PTPRT: variants seen among roughly 807,000 people sequenced by gnomAD.
The protein encoded by PTPRT is receptor-type tyrosine-protein phosphatase T.
Under a neutral mutation model 176.8 loss-of-function variants are expected in PTPRT, and 56 were observed. That is an observed-to-expected ratio of 0.32 (90% CI 0.26 to 0.40). The LOEUF (loss-of-function observed/expected upper bound fraction) is 0.40. Ranked by LOEUF, PTPRT falls within the 10% of genes least tolerant of loss-of-function variation. PTPRT has a pLI of 1.00. For missense variants in PTPRT, 1,540 were observed against 1,908.2 expected (o/e 0.81, Z 3.60); for synonymous variants, 783 against 739.0 (o/e 1.06, Z -0.96).
chr20:42,131,616 A>C (rs192081118), intron 18 of PTPRT, among the ~76,000 whole-genome samples: 55 of 152,338 alleles, frequency 3.6e-4, no homozygotes, highest in Non-Finnish European at 6.3e-4. Context: ...GTGTTTGACA[A>C]CGTCTCTCCT....
intron 9 of PTPRT, among the ~76,000 whole-genome samples, chr20:42,430,851 G>A (rs932040584): frequency 2.0e-5 from 3 of 152,126 alleles, no homozygotes; most frequent in African/African-American, 7.2e-5. Context: ...ATAAATCTCT[G>A]GTGGGCTGCC....
chr20:42,373,412 A>T (rs1302219037), intron 9 of PTPRT, among the ~76,000 whole-genome samples: 1 of 152,112 alleles, frequency 6.6e-6, no homozygotes, highest in Non-Finnish European at 1.5e-5. Context: ...AAATATTTAG[A>T]TTTTTTATTT....
chr20:42,575,933 A>G (rs1400411258), intron 7 of PTPRT, among the ~76,000 whole-genome samples: 1 of 152,102 alleles, frequency 6.6e-6, no homozygotes, highest in Non-Finnish European at 1.5e-5. Flanking sequence ...CCCAGCAGCC[A>G]GAGTGAGCAT....
At chr20:42,204,956 G>A (rs936933996) in intron 15 of PTPRT, among the ~76,000 whole-genome samples, 2 of 150,488 alleles carry the variant, frequency 1.3e-5, no homozygotes, top group Admixed American at 1.3e-4. Context: ...AGGTTGGCTT[G>A]ATACAACGAA....
intron 11 of PTPRT, among the ~76,000 whole-genome samples, chr20:42,323,616 TA>T (rs1403148886): frequency 6.7e-6 from 1 of 150,070 alleles, no homozygotes; most frequent in Admixed American, 6.6e-5. Context: ...TGTTGTGGGG[TA>T]GGGGGAGAGG....
At chr20:43,093,831 C>A (rs1351612290) in intron 1 of PTPRT, among the ~76,000 whole-genome samples, 1 of 152,168 alleles carries the variant, frequency 6.6e-6, no homozygotes, top group Non-Finnish European at 1.5e-5. Context: ...CTGAACACAC[C>A]AAGCTACTCT....
chr20:43,188,156 G>C (rs1274408068), intron 1 of PTPRT, among the ~76,000 whole-genome samples: 1 of 152,000 alleles, frequency 6.6e-6, no homozygotes, highest in Non-Finnish European at 1.5e-5. Flanking sequence ...GGACTGCCCC[G>C]GGCATCCTCC....
intron 9 of PTPRT, among the ~76,000 whole-genome samples, chr20:42,431,232 C>G (rs1364433643): frequency 6.6e-6 from 1 of 152,072 alleles, no homozygotes; most frequent in African/African-American, 2.4e-5. Context: ...GGTTAATTTG[C>G]CCAAAAGTCA....
intron 11 of PTPRT, among the ~76,000 whole-genome samples, chr20:42,340,262 A>T (rs1422563812): frequency 6.6e-6 from 1 of 152,196 alleles, no homozygotes; most frequent in African/African-American, 2.4e-5. Flanking sequence ...TCTAAAGTCT[A>T]GCCCTCGATT....
chr20:42,115,363 T>C, intron 21 of PTPRT, 48 bp from the exon 22 acceptor site: 1 of 1,392,230 alleles, frequency 7.2e-7, no homozygotes, highest in Non-Finnish European at 1.0e-6. Flanking sequence ...GAGACAAGGA[T>C]GCATAAGCAC....
chr20:43,126,229 TA>T (rs2013433275), intron 1 of PTPRT, among the ~76,000 whole-genome samples: 1 of 152,192 alleles, frequency 6.6e-6, no homozygotes, highest in Non-Finnish European at 1.5e-5. Context: ...TGGGTGCCTG[TA>T]ATCCCAGCTA....
chr20:42,776,090 G>A (rs2077131073), intron 4 of PTPRT, among the ~76,000 whole-genome samples: 2 of 152,130 alleles, frequency 1.3e-5, no homozygotes, highest in Non-Finnish European at 2.9e-5. Context: ...TCACCACCTT[G>A]CTTAAGCTAC....
intron 7 of PTPRT, among the ~76,000 whole-genome samples, chr20:42,531,228 T>C (rs984446331): frequency 1.3e-5 from 2 of 152,206 alleles, no homozygotes; most frequent in Admixed American, 6.5e-5. Context: ...TTGCAATGAG[T>C]TACTATTTTG....
At chr20:42,429,867 A>G (rs557830000) in intron 9 of PTPRT, among the ~76,000 whole-genome samples, 1 of 152,326 alleles carries the variant, frequency 6.6e-6, no homozygotes, top group South Asian at 2.1e-4. Flanking sequence ...GAGGGAAAAG[A>G]TAGCAAGGGG....
At chr20:42,474,411 C>A (rs1348555360) in intron 7 of PTPRT, among the ~76,000 whole-genome samples, 1 of 152,232 alleles carries the variant, frequency 6.6e-6, no homozygotes, top group Non-Finnish European at 1.5e-5. Flanking sequence ...ACCTGGCAAG[C>A]CCGCACAGAG....
intron 7 of PTPRT, among the ~76,000 whole-genome samples, chr20:42,653,331 C>T (rs956351494): frequency 2.8e-4 from 43 of 152,186 alleles, no homozygotes; most frequent in Non-Finnish European, 5.9e-5. Flanking sequence ...AACCTCTTTT[C>T]TTTATAAATT....
intron 2 of PTPRT, among the ~76,000 whole-genome samples, chr20:42,841,172 C>G (rs1420372685): frequency 6.6e-6 from 1 of 152,176 alleles, no homozygotes; most frequent in East Asian, 1.9e-4. Context: ...TACTTGCCTC[C>G]TCTTAGGTAG....
At position 42,376,812 on chromosome 20, in the gene PTPRT, G is replaced by A. The variant is rs574774328; in HGVS notation, c.1561-24527C>T. Among the ~76,000 whole-genome samples, 7 of 152,266 alleles carry A rather than the reference G, an allele frequency of 4.6e-5. No individual in the cohort carries two copies. In the South Asian group the frequency reaches 1.5e-3, roughly 32 times the overall value. Reference sequence around the variant, plus strand: ...AAATGGTGACAAATTCTGGGTGATCGAGTCTATAGTGGGGGAGATGAGCAA... The same window carrying A: ...AAATGGTGACAAATTCTGGGTGATCAAGTCTATAGTGGGGGAGATGAGCAA... On this transcript the variant is annotated intron_variant, in intron 9 of 30. Coordinates refer to ENST00000373187, the MANE Select transcript of PTPRT (RefSeq NM_007050.6).
intron 12 of PTPRT, among the ~76,000 whole-genome samples, chr20:42,296,451 A>C (rs1034266806): frequency 1.3e-5 from 2 of 152,050 alleles, no homozygotes; most frequent in Admixed American, 6.6e-5. Context: ...GTCTCAAAAA[A>C]AAAAAAAAAG....
Sources: allele counts gnomAD v4.1 joint callset (sites outside exome capture counted in the v4.1 genomes callset), GRCh38; gene constraint gnomAD v4.1.1; transcripts MANE v1.5; gene names NCBI Gene and HGNC (gene_info 2026-07-23, HGNC 2026-07-21).